Variants in FLACC1 observed in about 807,000 individuals in gnomAD.
FLACC1 encodes the protein flagellum-associated coiled-coil domain-containing protein 1.
In FLACC1, 66 loss-of-function variants were observed where a neutral mutation model predicts 62.8. The observed-to-expected ratio is 1.05, with a 90% CI of 0.86 to 1.29. The LOEUF is 1.29. Among genes scored for constraint, FLACC1 ranks in the 50% most tolerant of loss-of-function variants. FLACC1 has a pLI of 0.00. For missense variants in FLACC1, 452 were observed against 489.1 expected (o/e 0.92, Z 0.71); for synonymous variants, 156 against 161.0 (o/e 0.97, Z 0.24).
chr2:201,351,483 A>G, intron 1 of FLACC1, 32 bp from the exon 2 acceptor site: 1 of 1,086,312 alleles, frequency 9.2e-7, no homozygotes, highest in East Asian at 2.4e-5. Context: ...AGAAGGTTAA[A>G]CCATTTAGAA....
At chr2:201,297,988 C>G (rs2125543752) in intron 12 of FLACC1, among the ~76,000 whole-genome samples, 1 of 152,272 alleles carries the variant, frequency 6.6e-6, no homozygotes, top group East Asian at 1.9e-4. Flanking sequence ...TAGGAACATC[C>G]TGGCCTGTTA....
At chr2:201,351,778 T>C in intron 1 of FLACC1, 1 of 185,022 alleles carries the variant, frequency 5.4e-6, no homozygotes, top group South Asian at 1.1e-4. Context: ...ACCCCGTCTC[T>C]ACTGAAAATA....
chr2:201,338,845 A>C (rs951237627), intron 7 of FLACC1, among the ~76,000 whole-genome samples: 1 of 152,176 alleles, frequency 6.6e-6, no homozygotes, highest in African/African-American at 2.4e-5. Flanking sequence ...ATCTGTGTTC[A>C]TCAGAGATAT....
intron 8 of FLACC1, 88 bp from the exon 9 acceptor site, chr2:201,330,610 C>A (rs1284851403): frequency 1.3e-6 from 2 of 1,530,948 alleles, no homozygotes; most frequent in Non-Finnish European, 1.8e-6. Flanking sequence ...GCACACCTTC[C>A]CCACCCCAAA....
chr2:201,325,122 A>ACAGTTGGTT (rs2125586427), intron 9 of FLACC1, among the ~76,000 whole-genome samples: 1 of 152,272 alleles, frequency 6.6e-6, no homozygotes, highest in South Asian at 2.1e-4. Flanking sequence ...TGACAGAGTG[A>ACAGTTGGTT]GACTGTCTCA....
chr2:201,363,059 T>C, the FLACC1 span, among the ~76,000 whole-genome samples: 2 of 152,142 alleles, frequency 1.3e-5, no homozygotes, highest in African/African-American at 4.8e-5. Context: ...TCCCCTGAGA[T>C]TGTGGTGCAG....
chr2:201,294,211 A>G (rs1949805101), intron 12 of FLACC1, among the ~76,000 whole-genome samples: 2 of 152,202 alleles, frequency 1.3e-5, no homozygotes, highest in Non-Finnish European at 2.9e-5. Context: ...TGGCAGAGAC[A>G]CAACAAAAAA....
chr2:201,344,304 C>A, intron 5 of FLACC1, 41 bp from the exon 6 acceptor site: 2 of 1,512,508 alleles, frequency 1.3e-6, no homozygotes, highest in South Asian at 2.3e-5. Flanking sequence ...CAAAGCTTAC[C>A]ATTCCATGCC....
At chr2:201,306,675 A>T (rs534340338) in intron 11 of FLACC1, among the ~76,000 whole-genome samples, 2 of 152,338 alleles carry the variant, frequency 1.3e-5, no homozygotes, top group South Asian at 4.1e-4. Flanking sequence ...TAAAAAAATG[A>T]TCATTGCCTT....
chr2:201,335,387 G>C (rs1388331344), intron 7 of FLACC1, among the ~76,000 whole-genome samples: 1 of 151,990 alleles, frequency 6.6e-6, no homozygotes, highest in African/African-American at 2.4e-5. Flanking sequence ...TGAGATCTCT[G>C]TTTTATCTAC....
intron 7 of FLACC1, among the ~76,000 whole-genome samples, chr2:201,331,528 G>T (rs1950594135): frequency 6.6e-6 from 1 of 152,114 alleles, no homozygotes; most frequent in Non-Finnish European, 1.5e-5. Context: ...ATTAAAATGA[G>T]TCCATATGAG....
At chr2:201,341,505 C>CAT (rs550483239) in intron 7 of FLACC1, among the ~76,000 whole-genome samples, 2 of 148,742 alleles carry the variant, frequency 1.3e-5, no homozygotes, top group Admixed American at 6.7e-5. Flanking sequence ...ACTACACAAG[C>CAT]ATATATATAT....
Position 201,330,764 on chromosome 2 carries a change from T to C in FLACC1, c.594A>G (p.Ala198=). 3 of 1,614,006 alleles carry C rather than the reference T, an allele frequency of 1.9e-6. No individual in the cohort carries two copies. Among genetic ancestry groups the C allele is most frequent in the Non-Finnish European group, 2.5e-6 (3 of 1,179,998 alleles). Residue 198 remains alanine (A), a synonymous_variant, in exon 8 of 15, where the codon GCA becomes GCG. Coordinates refer to ENST00000392257, the MANE Select transcript of FLACC1 (RefSeq NM_001127391.3). ...LENNYKAALK[A]EKLAAQEKLE... Reference sequence around the variant, plus strand: ...GCTTCTCTTGGGCAGCCAACTTCTCTGCCTTCAAGGCTGCTTTGTAGTTGT... The same window carrying C: ...GCTTCTCTTGGGCAGCCAACTTCTCCGCCTTCAAGGCTGCTTTGTAGTTGT...
intron 7 of FLACC1, among the ~76,000 whole-genome samples, chr2:201,333,674 G>C (rs1234990102): frequency 6.6e-6 from 1 of 151,156 alleles, no homozygotes; most frequent in Non-Finnish European, 1.5e-5. Context: ...TTGTCCTTGC[G>C]ATAGTTTGCT....
At chr2:201,310,486 A>G (rs1209355894) in intron 9 of FLACC1, among the ~76,000 whole-genome samples, 1 of 152,164 alleles carries the variant, frequency 6.6e-6, no homozygotes, top group African/African-American at 2.4e-5. Context: ...CTTCACAATT[A>G]AACAGGATGA....
At chr2:201,358,709 G>A (rs867095896), upstream of FLACC1, among the ~76,000 whole-genome samples, 12 of 152,204 alleles carry the variant, frequency 7.9e-5, no homozygotes, top group South Asian at 1.5e-3. Flanking sequence ...GAGCCACTGC[G>A]CCCGGCCGCC....
Position 201,300,848 on chromosome 2 carries a change from C to T in FLACC1, c.880-1548G>A, listed in dbSNP as rs534408728. 2.0e-5 allele frequency among the ~76,000 whole-genome samples: 3 copies of T among 152,306 alleles called. No individual in the cohort carries two copies. In the South Asian group the frequency reaches 6.2e-4, roughly 32 times the overall value. ...GGACCTCCAGCAAACTCCAACAGAC[C>T]TGCAGCTGAGGGTCCTGACTGTTAG... On this transcript the variant is annotated intron_variant, in intron 11 of 14. Transcript: ENST00000392257.
intron 9 of FLACC1, among the ~76,000 whole-genome samples, chr2:201,312,418 G>C (rs1950233866): frequency 6.6e-6 from 1 of 152,120 alleles, no homozygotes; most frequent in Admixed American, 6.5e-5. Context: ...AGAAATCAGA[G>C]ACAACACAAA....
chr2:201,352,665 A>G (rs541053970), intron 1 of FLACC1, among the ~76,000 whole-genome samples: 1 of 152,328 alleles, frequency 6.6e-6, no homozygotes, highest in South Asian at 2.1e-4. Flanking sequence ...TGGAACTGGT[A>G]GATTACCTGA....
Sources: allele counts gnomAD v4.1 joint callset (sites outside exome capture counted in the v4.1 genomes callset), GRCh38; gene constraint gnomAD v4.1.1; transcripts MANE v1.5; gene names NCBI Gene and HGNC (gene_info 2026-07-23, HGNC 2026-07-21).